MARCHF1: variants seen among roughly 807,000 people sequenced by gnomAD.
MARCHF1 encodes membrane associated ring-CH-type finger 1, also known as E3 ubiquitin-protein ligase MARCHF1.
MARCHF1 carries 40 observed loss-of-function variants against 54.2 expected under a neutral mutation model. The ratio of observed to expected loss-of-function variants is 0.74; its 90% confidence interval spans 0.57 to 0.96. The LOEUF (loss-of-function observed/expected upper bound fraction) is 0.96, where lower values mean the gene tolerates loss of function less well. MARCHF1 is among the 40% of genes least tolerant of loss of function. The pLI, the probability that MARCHF1 is intolerant of heterozygous loss-of-function variation, is 0.00. For missense variants in MARCHF1, 586 were observed against 656.5 expected (o/e 0.89, Z 1.17); for synonymous variants, 236 against 236.3 (o/e 1.00, Z 0.01).
chr4:163,587,696 G>C (rs1048658699), intron 7 of MARCHF1, among the ~76,000 whole-genome samples: 17 of 152,152 alleles, frequency 1.1e-4, no homozygotes, highest in Non-Finnish European at 5.9e-5. Context: ...GGGAACTTTA[G>C]AAGCCCAAAC....
At chr4:164,313,553 C>A (rs567868040) in intron 1 of MARCHF1, among the ~76,000 whole-genome samples, 4 of 152,126 alleles carry the variant, frequency 2.6e-5, no homozygotes, top group Non-Finnish European at 5.9e-5. Flanking sequence ...ACATGCCAGG[C>A]AGAGTAGTGA....
intron 4 of MARCHF1, among the ~76,000 whole-genome samples, chr4:163,846,172 G>A (rs1749480010): frequency 6.6e-6 from 1 of 152,122 alleles, no homozygotes; most frequent in Non-Finnish European, 1.5e-5. Flanking sequence ...TTAAAAGGAG[G>A]GAGAAAAATG....
chr4:164,189,798 A>G (rs1731075853), intron 1 of MARCHF1: 16 of 1,570,514 alleles, frequency 1.0e-5, no homozygotes, highest in East Asian at 2.2e-5. Context: ...GACAAAAGAC[A>G]TTCATCTTCT....
At chr4:164,147,314 C>T (rs1261303733) in intron 1 of MARCHF1, among the ~76,000 whole-genome samples, 2 of 148,530 alleles carry the variant, frequency 1.3e-5, no homozygotes, top group African/African-American at 2.5e-5. Flanking sequence ...CCAGCCATCC[C>T]ATTACTGGGT....
intron 2 of MARCHF1, among the ~76,000 whole-genome samples, chr4:164,024,380 CA>C (rs1442178322): frequency 6.6e-6 from 1 of 152,124 alleles, no homozygotes; most frequent in Non-Finnish European, 1.5e-5. Flanking sequence ...ATCAGGCTAA[CA>C]GTAGATCTCT....
At chr4:164,074,385 T>C (rs1031657202) in intron 2 of MARCHF1, among the ~76,000 whole-genome samples, 1 of 152,200 alleles carries the variant, frequency 6.6e-6, no homozygotes, top group African/African-American at 2.4e-5. Flanking sequence ...CCAGAGTATG[T>C]AACAGGTACA....
At chr4:163,677,335 T>C (rs1322141928) in intron 5 of MARCHF1, among the ~76,000 whole-genome samples, 3 of 152,180 alleles carry the variant, frequency 2.0e-5, no homozygotes, top group African/African-American at 7.2e-5. Context: ...GGTCATCATT[T>C]ATTCCCATCT....
intron 1 of MARCHF1, among the ~76,000 whole-genome samples, chr4:164,314,213 A>T (rs1243687391): frequency 6.6e-6 from 1 of 152,180 alleles, no homozygotes. Context: ...CTTTGTCTAT[A>T]TTTAATTACT....
intron 4 of MARCHF1, among the ~76,000 whole-genome samples, chr4:163,773,272 A>C (rs1336960241): frequency 6.6e-6 from 1 of 152,146 alleles, no homozygotes; most frequent in Non-Finnish European, 1.5e-5. Flanking sequence ...TCTATCCAAG[A>C]ATCAGTCTCC....
At chr4:163,573,330 A>ATTATT (rs1739907561) in intron 8 of MARCHF1, among the ~76,000 whole-genome samples, 1 of 126,664 alleles carries the variant, frequency 7.9e-6, no homozygotes, top group African/African-American at 2.9e-5. Context: ...TTATTATTAT[A>ATTATT]CTTTAAGTTT....
At chr4:164,009,543 A>G (rs1334667766) in intron 2 of MARCHF1, among the ~76,000 whole-genome samples, 1 of 152,218 alleles carries the variant, frequency 6.6e-6, no homozygotes, top group African/African-American at 2.4e-5. Flanking sequence ...CAAAGTTCTC[A>G]ACAAAATACT....
intron 8 of MARCHF1, among the ~76,000 whole-genome samples, chr4:163,575,770 T>A (rs1431619400): frequency 6.6e-6 from 1 of 152,066 alleles, no homozygotes; most frequent in Non-Finnish European, 1.5e-5. Context: ...TGATTCAATC[T>A]TTGGAGATTG....
rs145620007 is a variant in MARCHF1 at position 163,609,160 on chromosome 4, C to T, written c.1010+3111G>A. ...TCACTAATTATTGAAAAACTATACACGCCCAACTGTGACTGCTCTTCTGCA... is the reference window on the plus strand; with the variant it reads ...TCACTAATTATTGAAAAACTATACATGCCCAACTGTGACTGCTCTTCTGCA... On this transcript the variant is annotated intron_variant, in intron 7 of 9. Coordinates refer to ENST00000514618, the MANE Select transcript of MARCHF1 (RefSeq NM_001394959.1). 2.2e-3 allele frequency among the ~76,000 whole-genome samples: 340 copies of T among 152,124 alleles called. 2 individuals are homozygous for T. The highest frequency in any genetic ancestry group is 7.5e-3 in the African/African-American group (313 of 41,532).
chr4:164,076,707 T>C (rs1246894265), intron 2 of MARCHF1, among the ~76,000 whole-genome samples: 4 of 152,158 alleles, frequency 2.6e-5, no homozygotes, highest in Non-Finnish European at 4.4e-5. Flanking sequence ...ACAAAATCAA[T>C]GTGCAAAAAT....
At chr4:164,086,628 A>G (rs1178063557) in intron 2 of MARCHF1, among the ~76,000 whole-genome samples, 1 of 152,024 alleles carries the variant, frequency 6.6e-6, no homozygotes, top group Non-Finnish European at 1.5e-5. Context: ...TGGTAGAGTT[A>G]ATATTTAAGC....
At chr4:163,784,956 C>T (rs1048863436) in intron 4 of MARCHF1, among the ~76,000 whole-genome samples, 3 of 152,120 alleles carry the variant, frequency 2.0e-5, no homozygotes, top group African/African-American at 7.2e-5. Flanking sequence ...TCTATCTGAT[C>T]TGTAGGCCTC....
At position 164,358,448 on chromosome 4, in the gene MARCHF1, A is replaced by G. The variant is rs575395005; in HGVS notation, c.-323+25422T>C. On this transcript the variant is annotated intron_variant, in intron 1 of 9. Coordinates refer to ENST00000514618, the MANE Select transcript of MARCHF1 (RefSeq NM_001394959.1). The stretch of plus-strand genomic sequence containing the variant: ...AGAAACTATGGCTCAGTTTGAGAAG[A>G]AAACTGATAAGAAACAGAATTGCAA... Among the ~76,000 whole-genome samples the G allele has an allele frequency of 1.2e-4, 19 of 152,320 alleles. No homozygotes were observed. The East Asian group carries it at 2.7e-3, about 22-fold the overall frequency.
intron 2 of MARCHF1, among the ~76,000 whole-genome samples, chr4:164,088,152 G>C (rs550809151): frequency 6.6e-6 from 1 of 152,240 alleles, no homozygotes; most frequent in South Asian, 2.1e-4. Context: ...ATGTGTTTGT[G>C]TGTTTCCCCT....
chr4:164,322,140 A>C (rs1735157310), intron 1 of MARCHF1, among the ~76,000 whole-genome samples: 1 of 152,092 alleles, frequency 6.6e-6, no homozygotes, highest in Non-Finnish European at 1.5e-5. Flanking sequence ...TTTAGAGAAA[A>C]TGGTTATCTA....
Sources: gnomAD v4.1 joint callset for allele counts (sites outside exome capture counted in the v4.1 genomes callset) on GRCh38, gnomAD v4.1.1 for gene constraint, MANE v1.5 for transcripts, NCBI Gene and HGNC (gene_info 2026-07-23, HGNC 2026-07-21) for gene names.